The following GABRB2 variants were observed in gnomAD, a reference collection of about 807,000 sequenced individuals.
GABRB2 encodes the protein gamma-aminobutyric acid receptor subunit beta-2.
GABRB2 carries 16 observed loss-of-function variants against 54.7 expected under a neutral mutation model. That is an observed-to-expected ratio of 0.29 (90% CI 0.20 to 0.44). The LOEUF is 0.44. Ranked by LOEUF, GABRB2 falls within the 20% of genes least tolerant of loss-of-function variation. The pLI, the probability that GABRB2 is intolerant of heterozygous loss-of-function variation, is 1.00. For missense variants in GABRB2, 355 were observed against 644.0 expected (o/e 0.55, Z 4.86); for synonymous variants, 244 against 233.8 (o/e 1.04, Z -0.40).
intron 4 of GABRB2, among the ~76,000 whole-genome samples, chr5:161,446,704 G>A (rs955897370): frequency 6.6e-6 from 1 of 152,064 alleles, no homozygotes; most frequent in African/African-American, 2.4e-5. Flanking sequence ...ATTCCTATAA[G>A]TTAAATAATA....
intron 3 of GABRB2, among the ~76,000 whole-genome samples, chr5:161,522,941 ATG>A (rs1291791195): frequency 3.0e-4 from 45 of 150,316 alleles, no homozygotes; most frequent in Middle Eastern, 3.4e-3. Context: ...AAATTTGTGT[ATG>A]TGTGTGTGTG....
At chr5:161,543,416 A>G (rs1227077096) in intron 3 of GABRB2, among the ~76,000 whole-genome samples, 1 of 152,160 alleles carries the variant, frequency 6.6e-6, no homozygotes, top group African/African-American at 2.4e-5. Flanking sequence ...TACTGCAGCA[A>G]CCTCTAGTCA....
At chr5:161,470,579 A>T (rs562154081) in intron 3 of GABRB2, among the ~76,000 whole-genome samples, 5 of 152,030 alleles carry the variant, frequency 3.3e-5, no homozygotes, top group African/African-American at 9.6e-5. Context: ...GCTAACCAAG[A>T]ATGCTACTGA....
chr5:161,475,549 G>A (rs1416022717), intron 3 of GABRB2, among the ~76,000 whole-genome samples: 1 of 151,872 alleles, frequency 6.6e-6, no homozygotes, highest in Admixed American at 6.6e-5. Flanking sequence ...GAATATTGAT[G>A]CAAAAATCCT....
At position 161,290,456 on chromosome 5, in the gene GABRB2, T is replaced by G. The variant is rs1757206038; in HGVS notation, c.*3625A>C. The G allele has an allele frequency of 6.6e-6, 1 of 152,604 alleles. No individual in the cohort carries two copies. Among genetic ancestry groups the G allele is most frequent in the African/African-American group, 2.4e-5 (1 of 41,468 alleles). The allele number at this position is 152,604 out of a possible 1,614,324, so 9.5% of individuals were successfully genotyped here. On this transcript the variant is annotated 3_prime_UTR_variant, in exon 10 of 10. Coordinates refer to ENST00000393959, the MANE Select transcript of GABRB2 (RefSeq NM_001371727.1). ...ACTGTGCAATGGTTCATAAAAACTG[T>G]AGGCATTGATTTGCTGATAGAGAAA... is the stretch of plus-strand genomic sequence containing the variant.
chr5:161,428,349 C>A (rs919302178), intron 4 of GABRB2, among the ~76,000 whole-genome samples: 2 of 150,656 alleles, frequency 1.3e-5, no homozygotes, highest in African/African-American at 2.4e-5. Context: ...ATCCACTTGA[C>A]AAAAATTACT....
chr5:161,303,918 C>T (rs1180929000), intron 9 of GABRB2, among the ~76,000 whole-genome samples: 1 of 152,136 alleles, frequency 6.6e-6, no homozygotes, highest in African/African-American at 2.4e-5. Context: ...ACTATAAGTT[C>T]AACAAATTCG....
rs1460636724 is a variant in GABRB2 at position 161,342,480 on chromosome 5, TTTGGCTCTCTA to T, written c.542-5722_542-5712del. 2.0e-5 allele frequency among the ~76,000 whole-genome samples: 3 copies of T among 152,086 alleles called. No homozygotes were observed. The East Asian group carries it at 5.8e-4, about 29-fold the overall frequency. On this transcript the variant is annotated intron_variant, in intron 5 of 9. Coordinates refer to ENST00000393959, the MANE Select transcript of GABRB2 (RefSeq NM_001371727.1). ...AATATATTTGGGAGTAACTACACAT[TTTGGCTCTCTA>T]TTATAGAGTCATAAAACATTTAAAA...
chr5:161,333,080 T>G (rs578232171), intron 7 of GABRB2, among the ~76,000 whole-genome samples: 14 of 152,336 alleles, frequency 9.2e-5, no homozygotes, highest in African/African-American at 3.4e-4. Flanking sequence ...TTTTAAAGTA[T>G]TTCTGAAACT....
chr5:161,512,737 G>C (rs2113408369), intron 3 of GABRB2, among the ~76,000 whole-genome samples: 1 of 152,148 alleles, frequency 6.6e-6, no homozygotes, highest in South Asian at 2.1e-4. Context: ...GAACTAAAGA[G>C]CGTCTGCACA....
At chr5:161,483,297 G>A (rs917617404) in intron 3 of GABRB2, among the ~76,000 whole-genome samples, 11 of 152,042 alleles carry the variant, frequency 7.2e-5, no homozygotes, top group African/African-American at 2.4e-4. Flanking sequence ...TAGCCTGCAA[G>A]CTATACCAGG....
intron 3 of GABRB2, among the ~76,000 whole-genome samples, chr5:161,518,759 T>C (rs1188808997): frequency 6.6e-6 from 1 of 152,148 alleles, no homozygotes; most frequent in Non-Finnish European, 1.5e-5. Context: ...ACTGGGTACA[T>C]TGAGAGGTCA....
intron 9 of GABRB2, among the ~76,000 whole-genome samples, chr5:161,324,894 T>G (rs2113386785): frequency 6.6e-6 from 1 of 152,100 alleles, no homozygotes; most frequent in Admixed American, 6.5e-5. Flanking sequence ...GAGGAAGAGG[T>G]CTTAACAAAT....
chr5:161,447,513 T>G (rs1038240972), intron 4 of GABRB2, among the ~76,000 whole-genome samples: 1 of 152,184 alleles, frequency 6.6e-6, no homozygotes, highest in Admixed American at 6.5e-5. Context: ...TTATGGTCAT[T>G]TAGCATTTTG....
At chr5:161,397,510 C>T (rs11744773) in intron 5 of GABRB2, among the ~76,000 whole-genome samples, 3,460 of 152,178 alleles carry the variant, frequency 0.023, 58 homozygotes, top group Non-Finnish European at 0.034. Flanking sequence ...ATTTATATAA[C>T]AATGAGAGTG....
intron 3 of GABRB2, among the ~76,000 whole-genome samples, chr5:161,481,183 G>A (rs147573536): frequency 1.3e-5 from 2 of 152,000 alleles, no homozygotes; most frequent in African/African-American, 4.8e-5. Flanking sequence ...AGTTTTCCCT[G>A]AAAACATTGA....
intron 3 of GABRB2, among the ~76,000 whole-genome samples, chr5:161,463,544 AATATTTTTATTTATATATATATAT>A (rs1302711142): frequency 1.1e-4 from 5 of 45,254 alleles, no homozygotes; most frequent in Non-Finnish European, 1.9e-4. Context: ...GGTGATTCCA[AATATTTTTATTTATATATATATAT>A]ATATATATAT....
upstream of GABRB2, chr5:161,547,104 G>T: frequency 6.3e-6 from 1 of 158,120 alleles, no homozygotes; most frequent in Non-Finnish European, 1.4e-5. Context: ...ATAGGTGCCG[G>T]TAAGCCCACT....
At chr5:161,404,335 T>C (rs1756286298) in intron 5 of GABRB2, among the ~76,000 whole-genome samples, 1 of 152,104 alleles carries the variant, frequency 6.6e-6, no homozygotes, top group Non-Finnish European at 1.5e-5. Flanking sequence ...CATGGAGCAT[T>C]TGCAGTGTGC....
Sources: gnomAD v4.1 joint callset for allele counts (sites outside exome capture counted in the v4.1 genomes callset) on GRCh38, gnomAD v4.1.1 for gene constraint, MANE v1.5 for transcripts, NCBI Gene and HGNC (gene_info 2026-07-23, HGNC 2026-07-21) for gene names.